Variants in BFSP1 observed in about 807,000 individuals in gnomAD.
BFSP1 encodes the protein beaded filament structural protein 1.
BFSP1 carries 38 observed loss-of-function variants against 43.9 expected under a neutral mutation model. That is an observed-to-expected ratio of 0.87 (90% CI 0.67 to 1.14). BFSP1 has a LOEUF of 1.14. Ranked by LOEUF, BFSP1 falls within the 50% of genes most tolerant of loss-of-function variation. The pLI, the probability that BFSP1 is intolerant of heterozygous loss-of-function variation, is 0.00. For synonymous variants in BFSP1, 352 were observed against 354.8 expected (o/e 0.99, Z 0.09); for missense variants, 850 against 875.1 (o/e 0.97, Z 0.36).
In BFSP1 at chr20:17,499,403, C is replaced by T. The variant is rs1026239717; in HGVS notation, c.736-363G>A. Among the ~76,000 whole-genome samples, 461 of 81,978 alleles carry T rather than the reference C, an allele frequency of 5.6e-3. 1 individual carries two copies. The highest frequency in any genetic ancestry group is 0.018 in the African/African-American group (409 of 22,630). The allele number at this position is 81,978 out of a possible 152,430, so 53.8% of individuals were successfully genotyped here. On this transcript the variant is annotated intron_variant, in intron 5 of 7. Transcript: ENST00000377873. ...TACAGGCAAGCACCAACATGCTGGG[C>T]TTTTTTTTTTTTTTTTTTTTTTTGG... is the stretch of plus-strand genomic sequence containing the variant.
At chr20:17,548,918 C>G (rs2034850239) in intron 1 of BFSP1, among the ~76,000 whole-genome samples, 1 of 152,142 alleles carries the variant, frequency 6.6e-6, no homozygotes, top group African/African-American at 2.4e-5. Flanking sequence ...AGGGGTCCTC[C>G]TGCCCTTGCC....
chr20:17,546,254 C>T (rs1308614035), intron 1 of BFSP1, among the ~76,000 whole-genome samples: 1 of 152,022 alleles, frequency 6.6e-6, no homozygotes, highest in Non-Finnish European at 1.5e-5. Context: ...AGGGAGAGCA[C>T]GTGAGACTGC....
At chr20:17,553,776 C>CATATATATATAT (rs1204969085) in intron 1 of BFSP1, among the ~76,000 whole-genome samples, 129 of 105,942 alleles carry the variant, frequency 1.2e-3, no homozygotes, top group African/African-American at 5.3e-3. Flanking sequence ...AATATATAAA[C>CATATATATATAT]ATATATATAT....
intron 1 of BFSP1, among the ~76,000 whole-genome samples, chr20:17,538,998 A>C (rs907152219): frequency 1.3e-5 from 2 of 151,678 alleles, no homozygotes; most frequent in African/African-American, 4.8e-5. Flanking sequence ...TCCAACTGGC[A>C]TGCCCACTCT....
At chr20:17,517,825 C>T (rs976925752) in intron 2 of BFSP1, among the ~76,000 whole-genome samples, 1 of 152,210 alleles carries the variant, frequency 6.6e-6, no homozygotes, top group South Asian at 2.1e-4. Flanking sequence ...AGGTGCTCCA[C>T]AGCCACATGC....
intron 1 of BFSP1, among the ~76,000 whole-genome samples, chr20:17,542,602 A>G (rs1463714686): frequency 6.6e-6 from 1 of 152,134 alleles, no homozygotes; most frequent in Non-Finnish European, 1.5e-5. Context: ...CCATCTTAAA[A>G]AGAAAAAAAA....
rs565220087 is a variant in BFSP1 at position 17,527,583 on chromosome 20, C to T, written c.378-2675G>A. On this transcript the variant is annotated intron_variant, in intron 1 of 7. Coordinates refer to ENST00000377873, the MANE Select transcript of BFSP1 (RefSeq NM_001195.5). The stretch of plus-strand genomic sequence containing the variant: ...TCTACTAAAAATACAAAAAAATTAG[C>T]AGGGTGTGGTAGTGGGCGCCTGTAG... Among the ~76,000 whole-genome samples the T allele has an allele frequency of 2.0e-4, 31 of 152,198 alleles. No individual in the cohort carries two copies. In the South Asian group the frequency reaches 6.2e-3, roughly 31 times the overall value.
At chr20:17,503,682 C>T (rs1050353779) in intron 5 of BFSP1, among the ~76,000 whole-genome samples, 1 of 152,236 alleles carries the variant, frequency 6.6e-6, no homozygotes, top group Admixed American at 6.5e-5. Flanking sequence ...CCACCCTTGC[C>T]CTGCACCTCA....
Position 17,493,976 on chromosome 20 carries a change from A to C in BFSP1, c.*98T>G, listed in dbSNP as rs2033556613. 2.5e-6 allele frequency: 3 copies of C among 1,211,988 alleles called. No homozygotes were observed. Among genetic ancestry groups the C allele is most frequent in the Non-Finnish European group, 3.5e-6 (3 of 863,006 alleles). 75.1% of individuals were successfully genotyped at this position (1,211,988 alleles called of 1,614,324 possible). A position where few individuals can be genotyped will look rare whatever the true frequency, so the allele number is the denominator to read the frequency against. Reference sequence around the variant, plus strand: ...GATGGGTCAACTATGGTCTAATCCAAACAGGAACCCTCACCCTTTTATCAT... The same window carrying C: ...GATGGGTCAACTATGGTCTAATCCACACAGGAACCCTCACCCTTTTATCAT... On this transcript the variant is annotated 3_prime_UTR_variant, in exon 8 of 8. Transcript: ENST00000377873.
intron 1 of BFSP1, among the ~76,000 whole-genome samples, chr20:17,556,926 A>T (rs1013413097): frequency 1.3e-5 from 2 of 152,078 alleles, no homozygotes; most frequent in African/African-American, 4.8e-5. Flanking sequence ...TTCTGAAATT[A>T]TTTTTAATGG....
rs2123445543 is a variant in BFSP1 at position 17,494,817 on chromosome 20, C to A, written c.1255G>T (p.Val419Leu). Residue 419 changes from valine (V) to leucine (L), a missense_variant, in exon 8 of 8, where the codon GTA (valine) becomes TTA (leucine). Physicochemically the swap from Val to Leu is conservative, Grantham distance 32. Coordinates refer to ENST00000377873, the MANE Select transcript of BFSP1 (RefSeq NM_001195.5). ...ESKFESESKE[V>L]SPLTQEGAPE... is the part of the protein sequence containing the mutation. ...GCCCCTTCTTGTGTCAGGGGACTTA[C>A]TTCTTTACTTTCTGATTCAAACTTA... 2 of 1,614,210 alleles carry A rather than the reference C, an allele frequency of 1.2e-6. No homozygotes were observed. Among genetic ancestry groups the A allele is most frequent in the East Asian group, 2.2e-5 (1 of 44,872 alleles).
chr20:17,543,292 T>C (rs1201325633), intron 1 of BFSP1, among the ~76,000 whole-genome samples: 4 of 152,198 alleles, frequency 2.6e-5, no homozygotes, highest in African/African-American at 9.6e-5. Flanking sequence ...CAGAAGAGCA[T>C]TTCAGTTCAA....
chr20:17,530,832 A>G, intron 1 of BFSP1, 121 bp downstream of exon 1: 9 of 1,116,752 alleles, frequency 8.1e-6, no homozygotes, highest in Non-Finnish European at 1.0e-5. Flanking sequence ...GGATGAGGTC[A>G]TCGATCGACA....
At position 17,507,366 on chromosome 20, in the gene BFSP1, TC is replaced by T. The variant is rs1209771852; in HGVS notation, c.735+1522del. On this transcript the variant is annotated intron_variant, in intron 5 of 7. Coordinates refer to ENST00000377873, the MANE Select transcript of BFSP1 (RefSeq NM_001195.5). The surrounding 1 kb of genome is among the most constrained non-coding windows in gnomAD (Gnocchi z 4.4). ...AACAAGGGCTTCACAAAACAAATCC[TC>T]CCTTTCACTTGCTGTACACTCTGTT... Among the ~76,000 whole-genome samples the T allele has an allele frequency of 6.6e-6, 1 of 151,890 alleles. No homozygotes were observed. The highest frequency in any genetic ancestry group is 6.6e-5 in the Admixed American group (1 of 15,250).
At chr20:17,501,267 A>T (rs775633026) in intron 5 of BFSP1, among the ~76,000 whole-genome samples, 1 of 152,218 alleles carries the variant, frequency 6.6e-6, no homozygotes, top group Non-Finnish European at 1.5e-5. Context: ...GTAGCTTTCA[A>T]AGGTGTTCGG....
At position 17,494,443 on chromosome 20, in the gene BFSP1, G is replaced by A; in HGVS notation, c.1629C>T (p.Asp543=). The change falls in exon 8 of 8, where the codon GAC becomes GAT. Residue 543 remains aspartate (D), a synonymous_variant. Coordinates refer to ENST00000377873, the MANE Select transcript of BFSP1 (RefSeq NM_001195.5). ...CTGCACCATCTGGCTCAATCTCCTT[G>A]TCTATAGGCTGCTGGTCAATTGGTT... ...DGQPIDQQPI[D]KEIEPDGAEL... The A allele has an allele frequency of 2.5e-6, 4 of 1,614,168 alleles. No individual in the cohort carries two copies. The highest frequency in any genetic ancestry group is 3.4e-6 in the Non-Finnish European group (4 of 1,180,052).
upstream of BFSP1, among the ~76,000 whole-genome samples, chr20:17,561,424 G>A (rs1183427095): frequency 6.6e-6 from 1 of 152,030 alleles, no homozygotes; most frequent in Non-Finnish European, 1.5e-5. Flanking sequence ...GCTTGGACCC[G>A]GGAGGTAGAG....
At chr20:17,500,295 G>A (rs922415615) in intron 5 of BFSP1, among the ~76,000 whole-genome samples, 5 of 152,224 alleles carry the variant, frequency 3.3e-5, no homozygotes, top group Non-Finnish European at 7.3e-5. Context: ...AGTGTAAGAG[G>A]TTGTGATGAT....
rs1454787406 is a variant in BFSP1, at chr20:17,494,316, G to A, written c.1756C>T (p.Pro586Ser). The A allele has an allele frequency of 6.8e-6, 11 of 1,614,092 alleles. No homozygotes were observed. The highest frequency in any genetic ancestry group is 1.7e-5 in the Admixed American group (1 of 60,014). ...VTPGAEEPSIPEPPKPAADQD... is the reference protein window; with the variant it reads ...VTPGAEEPSISEPPKPAADQD... ...TCAGCCGCAGGCTTTGGAGGCTCAG[G>A]TATAGATGGTTCCTCTGCACCGGGT... The change falls in exon 8 of 8, where the codon CCT (proline) becomes TCT (serine). Residue 586 changes from proline (P) to serine (S), a missense_variant. Pro to Ser is a moderately conservative substitution (Grantham distance 74). Transcript: ENST00000377873.
Sources: allele counts gnomAD v4.1 joint callset (sites outside exome capture counted in the v4.1 genomes callset), GRCh38; gene constraint gnomAD v4.1.1; non-coding constraint Gnocchi (gnomAD v3.1); transcripts MANE v1.5; gene names NCBI Gene and HGNC (gene_info 2026-07-23, HGNC 2026-07-21).